CELF4: variants seen among roughly 807,000 people sequenced by gnomAD.
CELF4 encodes the protein CUG-BP- and ETR-3-like factor 4.
A neutral mutation model predicts 59.9 loss-of-function variants in CELF4; 18 were observed. That is an observed-to-expected ratio of 0.30 (90% confidence interval 0.21 to 0.45). The LOEUF is 0.45. CELF4 is among the 20% of genes least tolerant of loss of function. The pLI, the probability that CELF4 is intolerant of heterozygous loss-of-function variation, is 1.00. For synonymous variants in CELF4, 261 were observed against 267.1 expected (o/e 0.98, Z 0.22); for missense variants, 456 against 689.0 (o/e 0.66, Z 3.79).
At chr18:37,458,364 A>T (rs1467448309) in intron 2 of CELF4, among the ~76,000 whole-genome samples, 5 of 152,152 alleles carry the variant, frequency 3.3e-5, no homozygotes, top group Non-Finnish European at 7.4e-5. Context: ...AGGATGTACC[A>T]CTAGTGGAGA....
chr18:37,541,261 G>C (rs2099977590), intron 1 of CELF4, among the ~76,000 whole-genome samples: 1 of 152,018 alleles, frequency 6.6e-6, no homozygotes, highest in Non-Finnish European at 1.5e-5. Context: ...GGCCAAATCA[G>C]AATTTTGATC....
At chr18:37,421,335 G>A (rs2099576791) in intron 2 of CELF4, among the ~76,000 whole-genome samples, 1 of 152,194 alleles carries the variant, frequency 6.6e-6, no homozygotes, top group African/African-American at 2.4e-5. Context: ...CTCCCTCCTT[G>A]CGCACTGGCT....
chr18:37,378,394 G>A (rs181454872), intron 2 of CELF4, among the ~76,000 whole-genome samples: 24 of 152,004 alleles, frequency 1.6e-4, no homozygotes, highest in Non-Finnish European at 2.4e-4. Context: ...CATAGGGGTG[G>A]CCAAGGACAA....
At chr18:37,475,799 A>G (rs537113090) in intron 2 of CELF4, among the ~76,000 whole-genome samples, 25 of 152,276 alleles carry the variant, frequency 1.6e-4, no homozygotes, top group African/African-American at 5.8e-4. Flanking sequence ...CTCACTCCCA[A>G]TTCCAGGAGG....
At chr18:37,259,019 G>A (rs533532428) in intron 11 of CELF4, 162 bp downstream of exon 11, 1 of 1,032,104 alleles carries the variant, frequency 9.7e-7, no homozygotes, top group South Asian at 1.5e-5. Context: ...CTGGGGCGGG[G>A]GCAATGTGAA....
At chr18:37,426,879 A>C (rs939565666) in intron 2 of CELF4, among the ~76,000 whole-genome samples, 1 of 151,400 alleles carries the variant, frequency 6.6e-6, no homozygotes, top group Admixed American at 6.6e-5. Flanking sequence ...TTTAATCCCC[A>C]TGGATTACTT....
At chr18:37,327,234 C>T (rs1256884037) in intron 2 of CELF4, among the ~76,000 whole-genome samples, 1 of 152,164 alleles carries the variant, frequency 6.6e-6, no homozygotes, top group African/African-American at 2.4e-5. Flanking sequence ...CTCCCACCAG[C>T]CTCTGCAGGT....
rs917609212 is a variant in CELF4, at chr18:37,303,924, G to A, written c.448+17879C>T. The stretch of plus-strand genomic sequence containing the variant: ...CCCTCCTGGAGACAAGTCCCTGGGG[G>A]TAGCATCATAGGAGAAGGCTTCCCT... On this transcript the variant is annotated intron_variant, in intron 3 of 12. Transcript: ENST00000420428. Among the ~76,000 whole-genome samples, 6 of 152,192 alleles carry A rather than the reference G, an allele frequency of 3.9e-5. No homozygotes were observed. The South Asian group carries it at 1.0e-3, about 26-fold the overall frequency.
At position 37,547,960 on chromosome 18, in the gene CELF4, T is replaced by G. The variant is rs563518610; in HGVS notation, c.286+17396A>C. The stretch of plus-strand genomic sequence containing the variant: ...CTATGAATGTGTTTGTGAATGTGTC[T>G]GCATTTTTGAGTGTGTGTGTGTGCT... On this transcript the variant is annotated intron_variant, in intron 1 of 12. Coordinates refer to ENST00000420428, the MANE Select transcript of CELF4 (RefSeq NM_020180.4). Among the ~76,000 whole-genome samples, 26 of 152,282 alleles carry G rather than the reference T, an allele frequency of 1.7e-4. No homozygotes were observed. The South Asian group carries it at 5.4e-3, about 32-fold the overall frequency.
intron 2 of CELF4, among the ~76,000 whole-genome samples, chr18:37,440,084 G>A (rs1056647633): frequency 1.3e-5 from 2 of 152,184 alleles, no homozygotes; most frequent in Non-Finnish European, 2.9e-5. Flanking sequence ...CATTAGCCAT[G>A]TGACTCTGTC....
intron 1 of CELF4, among the ~76,000 whole-genome samples, chr18:37,540,991 G>A (rs1414846431): frequency 1.3e-5 from 2 of 152,112 alleles, no homozygotes; most frequent in Non-Finnish European, 2.9e-5. Context: ...TAGGCTTCAC[G>A]CATGCATGAC....
chr18:37,316,895 G>C (rs1469568213), intron 3 of CELF4, among the ~76,000 whole-genome samples: 1 of 152,208 alleles, frequency 6.6e-6, no homozygotes, highest in African/African-American at 2.4e-5. Context: ...AGGCCACCCA[G>C]AGTCCGAGAA....
At chr18:37,408,838 T>C (rs2099411023) in intron 2 of CELF4, among the ~76,000 whole-genome samples, 1 of 152,280 alleles carries the variant, frequency 6.6e-6, no homozygotes, top group East Asian at 1.9e-4. Context: ...CTCCGTGGTG[T>C]GTGGGGGTGT....
chr18:37,286,152 G>T (rs1338239012), intron 3 of CELF4, among the ~76,000 whole-genome samples: 1 of 152,108 alleles, frequency 6.6e-6, no homozygotes, highest in Non-Finnish European at 1.5e-5. Flanking sequence ...GGGCAGGAGG[G>T]GCAAGAAGAG....
At chr18:37,550,389 C>A (rs2154605835) in intron 1 of CELF4, among the ~76,000 whole-genome samples, 1 of 152,250 alleles carries the variant, frequency 6.6e-6, no homozygotes, top group East Asian at 1.9e-4. Flanking sequence ...AGGAAAGCCA[C>A]ACATCCCACC....
intron 3 of CELF4, among the ~76,000 whole-genome samples, chr18:37,283,212 C>T (rs1213063348): frequency 6.6e-6 from 1 of 151,872 alleles, no homozygotes; most frequent in Non-Finnish European, 1.5e-5. Flanking sequence ...CATCCCTCCT[C>T]CTTCTACCCT....
chr18:37,395,338 G>C, intron 2 of CELF4, among the ~76,000 whole-genome samples: 1 of 152,070 alleles, frequency 6.6e-6, no homozygotes, highest in South Asian at 2.1e-4. Flanking sequence ...CCCACGGCGG[G>C]CTGGGCTGTG....
Position 37,285,974 on chromosome 18 carries a change from G to A in CELF4, c.449-10731C>T, listed in dbSNP as rs565813486. 5.9e-5 allele frequency among the ~76,000 whole-genome samples: 9 copies of A among 152,262 alleles called. No individual in the cohort carries two copies. In the East Asian group the frequency reaches 9.7e-4, roughly 16 times the overall value. On this transcript the variant is annotated intron_variant, in intron 3 of 12. Transcript: ENST00000420428. Reference sequence around the variant, plus strand: ...CACACTCTCCTGCATTTCACCCATCGCAGGATAATTTATAACATAATGGGG... The same window carrying A: ...CACACTCTCCTGCATTTCACCCATCACAGGATAATTTATAACATAATGGGG...
rs568927276 is a variant in CELF4, at chr18:37,564,738, A to AC, written c.286+617dup. On this transcript the variant is annotated intron_variant, in intron 1 of 12. Coordinates refer to ENST00000420428, the MANE Select transcript of CELF4 (RefSeq NM_020180.4). ...TATCACTGGTTCCTTCAAACATCCAACCCCCCCACCCCCAACACACACCAC... is the reference window on the plus strand; with the variant it reads ...TATCACTGGTTCCTTCAAACATCCAACCCCCCCCACCCCCAACACACACCAC... 8.1e-5 allele frequency among the ~76,000 whole-genome samples: 12 copies of AC among 147,998 alleles called. No individual in the cohort carries two copies. In the South Asian group the frequency reaches 2.2e-3, roughly 28 times the overall value.
Sources: gnomAD v4.1 joint callset for allele counts (sites outside exome capture counted in the v4.1 genomes callset) on GRCh38, gnomAD v4.1.1 for gene constraint, MANE v1.5 for transcripts, NCBI Gene and HGNC (gene_info 2026-07-23, HGNC 2026-07-21) for gene names.